Variants in RALGPS2 observed in about 807,000 individuals in gnomAD.
The protein encoded by RALGPS2 is ras-specific guanine nucleotide-releasing factor RalGPS2.
A neutral mutation model predicts 86.8 loss-of-function variants in RALGPS2; 43 were observed. That is an observed-to-expected ratio of 0.50 (90% CI 0.39 to 0.64). The LOEUF (loss-of-function observed/expected upper bound fraction) is 0.64. RALGPS2 is among the 30% of genes least tolerant of loss of function. The pLI, the probability that RALGPS2 is intolerant of heterozygous loss-of-function variation, is 0.00. For missense variants in RALGPS2, 536 were observed against 694.6 expected (o/e 0.77, Z 2.57); for synonymous variants, 243 against 231.3 (o/e 1.05, Z -0.46).
At chr1:178,805,229 G>T (rs1473684163) in intron 4 of RALGPS2, among the ~76,000 whole-genome samples, 1 of 147,446 alleles carries the variant, frequency 6.8e-6, no homozygotes, top group Non-Finnish European at 1.5e-5. Flanking sequence ...TTTGTAGGTT[G>T]CCTGTTCACT....
At chr1:178,890,274 A>G (rs1659665846) in intron 14 of RALGPS2, among the ~76,000 whole-genome samples, 1 of 151,924 alleles carries the variant, frequency 6.6e-6, no homozygotes, top group Non-Finnish European at 1.5e-5. Context: ...ATCATACTAT[A>G]TTGAGGTCTA....
intron 8 of RALGPS2, chr1:178,850,265 TAGTAAGATC>T (rs1414350261): frequency 6.6e-6 from 1 of 152,594 alleles, no homozygotes; most frequent in Non-Finnish European, 1.5e-5. Flanking sequence ...TTCTTTGTAG[TAGTAAGATC>T]AGTAAATTAG....
intron 8 of RALGPS2, among the ~76,000 whole-genome samples, chr1:178,849,118 C>T (rs1016761145): frequency 6.6e-6 from 1 of 152,150 alleles, no homozygotes; most frequent in African/African-American, 2.4e-5. Context: ...ACAAAAACCA[C>T]GAGCTAGATA....
chr1:178,843,251 C>G (rs1656684281), intron 8 of RALGPS2, among the ~76,000 whole-genome samples: 5 of 131,370 alleles, frequency 3.8e-5, no homozygotes, highest in African/African-American at 6.1e-5. Flanking sequence ...TTGGAACCAA[C>G]CCAAATGTCC....
chr1:178,905,062 C>T (rs553400495), intron 18 of RALGPS2, among the ~76,000 whole-genome samples: 9 of 151,894 alleles, frequency 5.9e-5, no homozygotes, highest in African/African-American at 1.4e-4. Flanking sequence ...AGAGCTCTTT[C>T]GACTCCTTTG....
intron 8 of RALGPS2, among the ~76,000 whole-genome samples, chr1:178,876,810 A>G (rs1210369339): frequency 6.6e-6 from 1 of 152,124 alleles, no homozygotes; most frequent in Non-Finnish European, 1.5e-5. Flanking sequence ...ATTTTAGAGG[A>G]TGTGTTATTT....
intron 1 of RALGPS2, among the ~76,000 whole-genome samples, chr1:178,769,542 C>G (rs550646842): frequency 2.5e-4 from 38 of 151,818 alleles, no homozygotes; most frequent in African/African-American, 9.2e-4. Flanking sequence ...GTGGCCCAGG[C>G]TGCTGGTCCA....
Position 178,886,211 on chromosome 1 carries a change from G to C in RALGPS2, c.1192+91G>C, listed in dbSNP as rs141109078. The C allele has an allele frequency of 3.1e-4, 425 of 1,351,134 alleles. No individual in the cohort carries two copies. The East Asian group carries it at 7.3e-3, about 23-fold the overall frequency. 83.7% of individuals were successfully genotyped at this position (1,351,134 alleles called of 1,614,324 possible). ...TGGAAAAAAACCCCACCCACACACA[G>C]AGAAAATTTGGTTAAAAAAACAAAG... On this transcript the variant is annotated intron_variant, in intron 13 of 19. Coordinates refer to ENST00000367635, the MANE Select transcript of RALGPS2 (RefSeq NM_152663.5).
chr1:178,909,356 C>A (rs1660516430), intron 19 of RALGPS2, among the ~76,000 whole-genome samples: 1 of 152,124 alleles, frequency 6.6e-6, no homozygotes, highest in Non-Finnish European at 1.5e-5. Flanking sequence ...AGTGTGATGC[C>A]TTCAGCTTTG....
intron 1 of RALGPS2, among the ~76,000 whole-genome samples, chr1:178,733,993 G>C (rs1199839172): frequency 1.3e-5 from 2 of 152,184 alleles, no homozygotes; most frequent in African/African-American, 4.8e-5. Context: ...CTTGTAGTCA[G>C]AATGTATAAA....
At chr1:178,750,299 CA>C (rs1238871253) in intron 1 of RALGPS2, among the ~76,000 whole-genome samples, 1 of 152,228 alleles carries the variant, frequency 6.6e-6, no homozygotes, top group Admixed American at 6.5e-5. Flanking sequence ...ATAGACAACA[CA>C]TAAATGGATG....
chr1:178,858,898 T>G (rs969770868), intron 8 of RALGPS2, among the ~76,000 whole-genome samples: 1 of 152,210 alleles, frequency 6.6e-6, no homozygotes, highest in Admixed American at 6.5e-5. Context: ...AGAATCCTTT[T>G]TATGACAGGA....
At chr1:178,733,076 G>A (rs78047208) in intron 1 of RALGPS2, among the ~76,000 whole-genome samples, 3,260 of 152,178 alleles carry the variant, frequency 0.021, 42 homozygotes, top group Middle Eastern at 0.048. Context: ...ATTCTGTAAC[G>A]TAGGGATTCT....
chr1:178,758,010 T>C (rs1365929149), intron 1 of RALGPS2, among the ~76,000 whole-genome samples: 1 of 152,178 alleles, frequency 6.6e-6, no homozygotes, highest in African/African-American at 2.4e-5. Context: ...TCTAATTCAA[T>C]CTTGGGGGGT....
rs370402514 is a variant in RALGPS2, at chr1:178,889,709, G to A, written c.1247+13G>A. 1 of 1,593,832 alleles carries A rather than the reference G, an allele frequency of 6.3e-7. No homozygotes were observed. Reference sequence around the variant, plus strand: ...CTGCTTTTGAAAGGTAAGATAAATTGTCCATTTGAACTACTTGGAGTTTAT... The same window carrying A: ...CTGCTTTTGAAAGGTAAGATAAATTATCCATTTGAACTACTTGGAGTTTAT... On this transcript the variant is annotated intron_variant, in intron 14 of 19. Transcript: ENST00000367635.
At chr1:178,853,700 G>C (rs1469072063) in intron 8 of RALGPS2, 2 of 1,612,616 alleles carry the variant, frequency 1.2e-6, no homozygotes, top group Non-Finnish European at 1.7e-6. Context: ...TAACTGCATT[G>C]GTCCATTGCT....
At chr1:178,842,938 CA>C (rs1476003904) in intron 8 of RALGPS2, among the ~76,000 whole-genome samples, 2 of 149,614 alleles carry the variant, frequency 1.3e-5, no homozygotes, top group Non-Finnish European at 3.0e-5. Flanking sequence ...AAATGCAAAT[CA>C]AAACCACTAT....
At chr1:178,818,524 C>T (rs777131530) in intron 6 of RALGPS2, among the ~76,000 whole-genome samples, 1 of 152,182 alleles carries the variant, frequency 6.6e-6, no homozygotes, top group Non-Finnish European at 1.5e-5. Context: ...GTAGTAGGGA[C>T]CCTGGGATCT....
chr1:178,877,747 C>A, intron 9 of RALGPS2, 112 bp downstream of exon 9: 1 of 1,310,264 alleles, frequency 7.6e-7, no homozygotes, highest in Non-Finnish European at 1.1e-6. Context: ...TTTCTTATTT[C>A]CATTCTAATG....
Sources: allele counts gnomAD v4.1 joint callset (sites outside exome capture counted in the v4.1 genomes callset), GRCh38; gene constraint gnomAD v4.1.1; transcripts MANE v1.5; gene names NCBI Gene and HGNC (gene_info 2026-07-23, HGNC 2026-07-21).